HACL2: variants seen among roughly 807,000 people sequenced by gnomAD.
HACL2 encodes the protein 2-hydroxyacyl-CoA lyase 2.
chr19:15,116,442 G>A, the HACL2 span: 884 of 1,613,930 alleles, frequency 5.5e-4, 3 homozygotes, highest in African/African-American at 9.8e-3. Context: ...TCGGCTTCCC[G>A]CAGCTCCTCC....
At chr19:15,119,097 G>T in the HACL2 span, 1 of 1,483,810 alleles carries the variant, frequency 6.7e-7, no homozygotes, top group Non-Finnish European at 9.0e-7. Context: ...CTCCTCCTTC[G>T]TGTGAAGCTG....
chr19:15,123,270 T>C, the HACL2 span: 1 of 1,611,628 alleles, frequency 6.2e-7, no homozygotes, highest in Non-Finnish European at 8.5e-7. This position sits in a 1 kb window ranked among gnomAD's most constrained non-coding sequence, Gnocchi z 5.1. Flanking sequence ...ATCACAGCCA[T>C]GCCCACTCTC....
At chr19:15,115,630 T>C in the HACL2 span, 28 of 1,613,880 alleles carry the variant, frequency 1.7e-5, no homozygotes, top group Non-Finnish European at 2.3e-5. Context: ...GAGAAATCTG[T>C]GTCCAGCCAG....
At chr19:15,124,693 G>A in the HACL2 span, 12 of 545,468 alleles carry the variant, frequency 2.2e-5, no homozygotes, top group South Asian at 2.6e-4. Context: ...GGTGGGGTGC[G>A]AGTGCCCCGG....
the HACL2 span, chr19:15,125,143 G>A: frequency 7.2e-7 from 1 of 1,381,118 alleles, no homozygotes. Context: ...GCCCCTTCTC[G>A]CAGCAGGATC....
At chr19:15,119,654 G>A in the HACL2 span, 6 of 742,294 alleles carry the variant, frequency 8.1e-6, no homozygotes, top group East Asian at 2.8e-5. Flanking sequence ...AGGTTCAAAC[G>A]ATTCTCCCGC....
chr19:15,121,813 A>AAAG, the HACL2 span, among the ~76,000 whole-genome samples: 2 of 80,260 alleles, frequency 2.5e-5, no homozygotes, highest in Non-Finnish European at 4.8e-5. Context: ...AATCTGTTTC[A>AAAG]AAAAAAAAAA....
At chr19:15,122,441 A>AAGG in the HACL2 span, among the ~76,000 whole-genome samples, 1 of 151,912 alleles carries the variant, frequency 6.6e-6, no homozygotes, top group Non-Finnish European at 1.5e-5. The surrounding 1 kb of genome is among the most constrained non-coding windows in gnomAD (Gnocchi z 4.0). Context: ...AGAAAGGGAA[A>AAGG]AGGAGGAGGA....
chr19:15,119,253 G>A, the HACL2 span: 25 of 1,610,164 alleles, frequency 1.6e-5, no homozygotes, highest in South Asian at 5.5e-5. Flanking sequence ...AACAGCCCCC[G>A]TGCCATCCCT....
chr19:15,117,886 A>G, the HACL2 span: 1 of 1,613,934 alleles, frequency 6.2e-7, no homozygotes, highest in African/African-American at 1.3e-5. Context: ...CTCACCCTGC[A>G]CAGCCTCCTG....
the HACL2 span, chr19:15,116,385 C>A: frequency 4.3e-6 from 7 of 1,613,826 alleles, no homozygotes; most frequent in South Asian, 2.2e-5. Context: ...CCCCTTCCCA[C>A]ATCCACTCCA....
At chr19:15,119,667 C>T in the HACL2 span, 5 of 715,054 alleles carry the variant, frequency 7.0e-6, no homozygotes, top group South Asian at 1.0e-4. Flanking sequence ...TCTCCCGCCT[C>T]AGCCTCCAGA....
the HACL2 span, chr19:15,120,057 G>A: frequency 6.4e-7 from 1 of 1,550,586 alleles, no homozygotes; most frequent in Admixed American, 2.0e-5. Context: ...CTGCAAAGAG[G>A]TTGGCCAGGT....
chr19:15,122,784 G>A, the HACL2 span: 1 of 1,614,146 alleles, frequency 6.2e-7, no homozygotes, highest in Non-Finnish European at 8.5e-7. This position sits in a 1 kb window ranked among gnomAD's most constrained non-coding sequence, Gnocchi z 4.0. Flanking sequence ...ACGTCAACGG[G>A]CAGCTCCACA....
the HACL2 span, chr19:15,119,487 C>CTGGGGAGTCAGA: frequency 6.2e-7 from 1 of 1,614,062 alleles, no homozygotes; most frequent in Non-Finnish European, 8.5e-7. Flanking sequence ...CCTCTTGGCC[C>CTGGGGAGTCAGA]GGCTCAGGAT....
chr19:15,117,960 C>G, the HACL2 span: 4 of 1,614,100 alleles, frequency 2.5e-6, no homozygotes, highest in Non-Finnish European at 2.5e-6. Flanking sequence ...CGATGATGAT[C>G]TTGCTGCTGT....
At chr19:15,123,866 A>T in the HACL2 span, 1 of 477,108 alleles carries the variant, frequency 2.1e-6, no homozygotes. This position sits in a 1 kb window ranked among gnomAD's most constrained non-coding sequence, Gnocchi z 5.1. Flanking sequence ...CCCCACTGTT[A>T]CACTGCCTGT....
chr19:15,120,100 A>G, the HACL2 span: 3 of 1,468,708 alleles, frequency 2.0e-6, no homozygotes, highest in African/African-American at 4.2e-5. Flanking sequence ...GGGAGGGGGA[A>G]GAAACCAAGT....
At chr19:15,119,059 A>T in the HACL2 span, 3 of 1,263,712 alleles carry the variant, frequency 2.4e-6, no homozygotes, top group South Asian at 5.2e-5. Context: ...AATGTGTATC[A>T]AGTACAATAG....
Sources: allele counts gnomAD v4.1 joint callset (sites outside exome capture counted in the v4.1 genomes callset), GRCh38; gene constraint gnomAD v4.1.1; non-coding constraint Gnocchi (gnomAD v3.1); transcripts MANE v1.5; gene names NCBI Gene and HGNC (gene_info 2026-07-23, HGNC 2026-07-21).